Variants in MYO10 observed in about 807,000 individuals in gnomAD.
The protein encoded by MYO10 is unconventional myosin-X.
MYO10 carries 133 observed loss-of-function variants against 257.3 expected under a neutral mutation model. That is an observed-to-expected ratio of 0.52 (90% confidence interval 0.45 to 0.60). The LOEUF (loss-of-function observed/expected upper bound fraction) is 0.60, where lower values mean the gene tolerates loss of function less well. Ranked by LOEUF, MYO10 falls within the 20% of genes least tolerant of loss-of-function variation. MYO10 has a pLI of 0.00. For missense variants in MYO10, 2,399 were observed against 2,635.7 expected (o/e 0.91, Z 1.97); for synonymous variants, 1,104 against 1,028.6 (o/e 1.07, Z -1.40).
At position 16,834,668 on chromosome 5, in the gene MYO10, T is replaced by C. The variant is rs78090328; in HGVS notation, c.121-16501A>G. On this transcript the variant is annotated intron_variant, in intron 2 of 40. Transcript: ENST00000513610. Reference sequence around the variant, plus strand: ...CTGGGTCACAAATCAACACTTTTCATTTACAGGTCACCTTGAAATTTTCTT... The same window carrying C: ...CTGGGTCACAAATCAACACTTTTCACTTACAGGTCACCTTGAAATTTTCTT... 3.9e-3 allele frequency among the ~76,000 whole-genome samples: 594 copies of C among 152,346 alleles called. 4 individuals are homozygous for C. Among genetic ancestry groups the C allele is most frequent in the African/African-American group, 0.013 (550 of 41,568 alleles).
chr5:16,905,929 G>A (rs940854828), intron 1 of MYO10, among the ~76,000 whole-genome samples: 11 of 152,072 alleles, frequency 7.2e-5, no homozygotes, highest in Non-Finnish European at 4.4e-5. Context: ...CCAATTTCCT[G>A]TTCCCTATCT....
intron 19 of MYO10, chr5:16,713,563 A>T: frequency 1.0e-3 from 648 of 628,434 alleles, no homozygotes; most frequent in Non-Finnish European, 1.2e-3. Flanking sequence ...GAGGGGAGGG[A>T]GGGAGCAAGG....
rs942439860 is a variant in MYO10 at position 16,780,004 on chromosome 5, C to A, written c.827-356G>T. 8.5e-5 allele frequency among the ~76,000 whole-genome samples: 13 copies of A among 152,126 alleles called. 1 individual carries two copies. The highest frequency in any genetic ancestry group is 7.9e-4 in the Admixed American group (12 of 15,280). On this transcript the variant is annotated intron_variant, in intron 8 of 40. Transcript: ENST00000513610. ...GCAACTTCTGCCTCCCGGGTTCAAG[C>A]GATTCTCCTGCCTCAGCCTCCTGAG...
intron 4 of MYO10, among the ~76,000 whole-genome samples, chr5:16,791,791 GA>G (rs2126678347): frequency 6.6e-6 from 1 of 152,270 alleles, no homozygotes; most frequent in African/African-American, 2.4e-5. Context: ...TCTGTATGCT[GA>G]AATAATGATC....
chr5:16,748,215 G>A (rs920971017), intron 19 of MYO10, among the ~76,000 whole-genome samples: 6 of 152,046 alleles, frequency 3.9e-5, no homozygotes, highest in Middle Eastern at 3.4e-3. Flanking sequence ...GACTACAGGT[G>A]TACACTACCA....
chr5:16,698,623 G>GTTTCTTTTT (rs1737873320), intron 26 of MYO10, among the ~76,000 whole-genome samples: 1 of 113,860 alleles, frequency 8.8e-6, no homozygotes, highest in Non-Finnish European at 1.7e-5. Context: ...AGAACATGCA[G>GTTTCTTTTT]TTTTTTTTTT....
chr5:16,694,532 G>GGCC lies in MYO10; in HGVS notation c.3636_3638dup (p.Ala1213dup). On this transcript the variant is annotated inframe_insertion, in exon 27 of 41. Coordinates refer to ENST00000513610, the MANE Select transcript of MYO10 (RefSeq NM_012334.3). ...TTTTGTGGAGCCAGCCTTGCTTGAGGGCCTCCTGCTTGGAGCGGAACCACA... is the reference window on the plus strand; with the variant it reads ...TTTTGTGGAGCCAGCCTTGCTTGAGGGCCGCCTCCTGCTTGGAGCGGAACCACA... The GGCC allele has an allele frequency of 1.2e-6, 2 of 1,613,982 alleles. No individual in the cohort carries two copies. Among genetic ancestry groups the GGCC allele is most frequent in the Non-Finnish European group, 1.7e-6 (2 of 1,179,900 alleles).
At chr5:16,697,624 G>A (rs949869620) in intron 26 of MYO10, among the ~76,000 whole-genome samples, 1 of 152,076 alleles carries the variant, frequency 6.6e-6, no homozygotes, top group Non-Finnish European at 1.5e-5. Context: ...CTTGAACCCC[G>A]GGGGTGGAGG....
intron 40 of MYO10, 136 bp from the exon 41 acceptor site, chr5:16,666,929 A>G (rs1374626439): frequency 1.5e-6 from 1 of 671,740 alleles, no homozygotes; most frequent in Non-Finnish European, 2.5e-6. Context: ...TTTTGCAGGA[A>G]GCCAGAAGTT....
chr5:16,759,625 C>T (rs976200798), intron 17 of MYO10, among the ~76,000 whole-genome samples: 1 of 152,164 alleles, frequency 6.6e-6, no homozygotes, highest in Admixed American at 6.5e-5. Context: ...CACGCTGGCA[C>T]AGAGGCAGCT....
chr5:16,768,899 C>A (rs171627), intron 10 of MYO10, among the ~76,000 whole-genome samples, 175 bp downstream of exon 10: 22,923 of 151,848 alleles, frequency 0.15, 1,785 homozygotes, highest in East Asian at 0.17. Flanking sequence ...TGGTCTCGAA[C>A]TCCTGGGCTC....
rs550073912 is a variant in MYO10, at chr5:16,907,165, C to T, written c.21+28623G>A. ...AAAAGCATCTATATTCAGGAACCCA[C>T]AAGAACATCGCCATTTCTGGTAGCC... On this transcript the variant is annotated intron_variant, in intron 1 of 40. Transcript: ENST00000513610. Among the ~76,000 whole-genome samples the T allele has an allele frequency of 8.5e-5, 13 of 152,168 alleles. No homozygotes were observed. In the East Asian group the frequency reaches 2.3e-3, roughly 27 times the overall value.
chr5:16,699,848 G>T (rs1166557590), intron 25 of MYO10, among the ~76,000 whole-genome samples: 1 of 147,092 alleles, frequency 6.8e-6, no homozygotes, highest in Middle Eastern at 3.6e-3. Flanking sequence ...CAAGCAATAC[G>T]CCTGATTTAC....
At chr5:16,760,799 G>C (rs1740687526) in intron 17 of MYO10, among the ~76,000 whole-genome samples, 1 of 152,002 alleles carries the variant, frequency 6.6e-6, no homozygotes, top group African/African-American at 2.4e-5. Flanking sequence ...GGACTCGATG[G>C]CTCACTGGTT....
intron 2 of MYO10, among the ~76,000 whole-genome samples, chr5:16,877,210 C>A (rs545428243): frequency 6.6e-6 from 1 of 152,136 alleles, no homozygotes; most frequent in Non-Finnish European, 1.5e-5. Context: ...TAAGACACTA[C>A]GAAAGTTTAA....
intron 2 of MYO10, among the ~76,000 whole-genome samples, chr5:16,820,974 T>C (rs929568667): frequency 2.7e-5 from 4 of 147,658 alleles, no homozygotes; most frequent in African/African-American, 9.8e-5. Flanking sequence ...TAAAACATCT[T>C]ATATATATTA....
At chr5:16,668,107 T>C (rs1440753764) in intron 40 of MYO10, among the ~76,000 whole-genome samples, 170 bp downstream of exon 40, 1 of 152,150 alleles carries the variant, frequency 6.6e-6, no homozygotes, top group East Asian at 1.9e-4. Context: ...ATCTCAGATT[T>C]TGGCCTGCAG....
chr5:16,935,640 C>T, intron 1 of MYO10, 148 bp downstream of exon 1: 1 of 896,492 alleles, frequency 1.1e-6, no homozygotes, highest in South Asian at 1.5e-5. Context: ...TCAGAGACTC[C>T]GCGGGGGGAT....
In MYO10 at chr5:16,867,930, T is replaced by C. The variant is rs183411173; in HGVS notation, c.120+9679A>G. Reference sequence around the variant, plus strand: ...GATTAAATCCTCAACTAGTGAATATTTTGGAAGACCCTATAGAGAGACAAT... The same window carrying C: ...GATTAAATCCTCAACTAGTGAATATCTTGGAAGACCCTATAGAGAGACAAT... On this transcript the variant is annotated intron_variant, in intron 2 of 40. Transcript: ENST00000513610. 4.2e-3 allele frequency among the ~76,000 whole-genome samples: 633 copies of C among 152,286 alleles called. 1 individual carries two copies. Among genetic ancestry groups the C allele is most frequent in the African/African-American group, 0.013 (552 of 41,548 alleles).
Sources: allele counts gnomAD v4.1 joint callset (sites outside exome capture counted in the v4.1 genomes callset), GRCh38; gene constraint gnomAD v4.1.1; transcripts MANE v1.5; gene names NCBI Gene and HGNC (gene_info 2026-07-23, HGNC 2026-07-21).